The following COL6A5 variants were observed in gnomAD, a reference collection of about 807,000 sequenced individuals.
COL6A5 encodes the protein collagen alpha-5(VI) chain.
Under a neutral mutation model 65.6 loss-of-function variants are expected in COL6A5, and 48 were observed. The ratio of observed to expected loss-of-function variants is 0.73; its 90% confidence interval spans 0.58 to 0.93. COL6A5 has a LOEUF of 0.93. COL6A5 is among the 40% of genes least tolerant of loss of function. The pLI, the probability that COL6A5 is intolerant of heterozygous loss-of-function variation, is 0.00. For synonymous variants in COL6A5, 291 were observed against 322.8 expected (o/e 0.90, Z 1.05); for missense variants, 914 against 928.3 (o/e 0.98, Z 0.20).
At chr3:130,469,316 T>A (rs1345895085) in exon 6 of COL6A5, 8 of 1,612,990 alleles carry the variant, frequency 5.0e-6, no homozygotes, top group Non-Finnish European at 6.8e-6. Flanking sequence ...GTGTCAAGGC[T>A]ACTCCATATT....
chr3:130,454,342 TCCA>T (rs1289389194), intron 4 of COL6A5, among the ~76,000 whole-genome samples: 2 of 152,190 alleles, frequency 1.3e-5, no homozygotes, highest in African/African-American at 2.4e-5. Context: ...GACATGATTC[TCCA>T]CCACATATCT....
chr3:130,391,498 C>T (rs1404845305), exon 7 of COL6A5: 2 of 1,551,696 alleles, frequency 1.3e-6, no homozygotes, highest in East Asian at 4.9e-5. Flanking sequence ...GCAGCCGCAT[C>T]AAGCAAAATG....
intron 4 of COL6A5, among the ~76,000 whole-genome samples, chr3:130,452,632 C>A (rs1198321107): frequency 6.6e-6 from 1 of 152,082 alleles, no homozygotes; most frequent in African/African-American, 2.4e-5. Context: ...ATCACAGGAC[C>A]ACAGGACTGG....
chr3:130,371,126 T>A (rs1308648573), intron 1 of COL6A5, among the ~76,000 whole-genome samples: 2 of 152,130 alleles, frequency 1.3e-5, no homozygotes, highest in Non-Finnish European at 2.9e-5. Context: ...ATTCTTATGA[T>A]CTCCTATATT....
At chr3:130,481,925 C>T (rs1710255623) in intron 7 of COL6A5, among the ~76,000 whole-genome samples, 1 of 151,900 alleles carries the variant, frequency 6.6e-6, no homozygotes, top group Admixed American at 6.6e-5. Context: ...GTTTAAGTTC[C>T]TCATAGATTC....
chr3:130,441,784 AC>A (rs1350448096), intron 3 of COL6A5, among the ~76,000 whole-genome samples: 7 of 152,064 alleles, frequency 4.6e-5, no homozygotes, highest in Admixed American at 6.6e-5. Flanking sequence ...CACAGGACAG[AC>A]CCCCCACCAC....
intron 7 of COL6A5, among the ~76,000 whole-genome samples, chr3:130,475,889 C>G (rs1470841926): frequency 6.6e-6 from 1 of 152,008 alleles, no homozygotes; most frequent in Non-Finnish European, 1.5e-5. Flanking sequence ...AATTAATATC[C>G]CTAGTACACA....
At chr3:130,349,666 A>T (rs1043782219) in intron 1 of COL6A5, among the ~76,000 whole-genome samples, 18 of 152,206 alleles carry the variant, frequency 1.2e-4, no homozygotes, top group Admixed American at 6.5e-5. Context: ...TTATATTTTA[A>T]TCACCAATTA....
exon 11 of COL6A5, chr3:130,401,152 C>CA: frequency 6.5e-7 from 1 of 1,543,032 alleles, no homozygotes; most frequent in Non-Finnish European, 8.7e-7. Context: ...GAGAACTGGG[C>CA]AAAAAACTAT....
At chr3:130,472,858 T>TATAC (rs1198559167) in intron 7 of COL6A5, among the ~76,000 whole-genome samples, 35 of 141,870 alleles carry the variant, frequency 2.5e-4, no homozygotes, top group African/African-American at 3.6e-4. Context: ...TATATATATA[T>TATAC]ACACATTTAT....
chr3:130,452,001 G>C (rs959099262), intron 4 of COL6A5, among the ~76,000 whole-genome samples: 1 of 152,140 alleles, frequency 6.6e-6, no homozygotes, highest in African/African-American at 2.4e-5. Flanking sequence ...TACATCTAAG[G>C]TTCCTTTTTC....
intron 8 of COL6A5, among the ~76,000 whole-genome samples, chr3:130,396,924 A>G (rs930985345): frequency 6.6e-6 from 1 of 152,122 alleles, no homozygotes; most frequent in African/African-American, 2.4e-5. Flanking sequence ...GTGCAGTGGC[A>G]CGATCTCGGC....
chr3:130,379,702 A>G, exon 4 of COL6A5: 1 of 1,551,492 alleles, frequency 6.4e-7, no homozygotes. Flanking sequence ...AGGGGCTGCC[A>G]TTGATCAGAT....
In COL6A5 at chr3:130,440,277, A is replaced by G. The variant is rs201011140; in HGVS notation, c.695A>G (p.Lys232Arg). The stretch of plus-strand genomic sequence containing the variant: ...CGGAATATAGCAAAGGATGAGTTTA[A>G]GGCTGTGAAAGCCTTGGTGAGCTCA... The change falls in exon 3 of 8, where the codon AAG becomes AGG. Residue 232 changes from lysine to arginine, a missense_variant. By Grantham distance (26) the Lys-to-Arg change is conservative. Coordinates refer to ENST00000512836, the Ensembl canonical transcript of COL6A5. 46 of 1,607,710 alleles carry G rather than the reference A, an allele frequency of 2.9e-5. No individual in the cohort carries two copies. The highest frequency in any genetic ancestry group is 3.8e-5 in the Non-Finnish European group (45 of 1,174,742).
intron 1 of COL6A5, among the ~76,000 whole-genome samples, chr3:130,362,292 A>T (rs1245320263): frequency 2.1e-3 from 4 of 1,904 alleles, no homozygotes; most frequent in East Asian, 4.9e-3. Flanking sequence ...CTTTCTCCAT[A>T]TATATATATA....
At chr3:130,453,861 T>C (rs573114837) in intron 4 of COL6A5, among the ~76,000 whole-genome samples, 3 of 152,308 alleles carry the variant, frequency 2.0e-5, no homozygotes, top group African/African-American at 7.2e-5. Flanking sequence ...CCAGAATTCA[T>C]GCAAGCATAT....
Position 130,405,534 on chromosome 3 carries a change from G to A in COL6A5, c.4282-54G>A, listed in dbSNP as rs1264426306. On this transcript the variant is annotated intron_variant and NMD_transcript_variant, in intron 13 of 41. Transcript: ENST00000312481. ...TTAACTCTGTGAAAATAAACCACTGGCAGCTTCTGGCAAAAACATCACTTT... is the reference window on the plus strand; with the variant it reads ...TTAACTCTGTGAAAATAAACCACTGACAGCTTCTGGCAAAAACATCACTTT... 4 of 1,316,614 alleles carry A rather than the reference G, an allele frequency of 3.0e-6. No homozygotes were observed. The Admixed American group carries it at 6.0e-5, about 20-fold the overall frequency. The allele number at this position is 1,316,614 out of a possible 1,614,324, so 81.6% of individuals were successfully genotyped here.
intron 14 of COL6A5, 29 bp downstream of exon 14, chr3:130,405,688 A>G: frequency 1.3e-6 from 2 of 1,486,596 alleles, no homozygotes; most frequent in Non-Finnish European, 1.8e-6. Context: ...TGTTATTTCC[A>G]ATTCTCTGTA....
chr3:130,439,590 A>T, exon 2 of COL6A5: 1 of 1,551,208 alleles, frequency 6.4e-7, no homozygotes, highest in Non-Finnish European at 8.7e-7. Context: ...CATTAGAAAG[A>T]CTTCGGCGCT....
Sources: gnomAD v4.1 joint callset for allele counts (sites outside exome capture counted in the v4.1 genomes callset) on GRCh38, gnomAD v4.1.1 for gene constraint, MANE v1.5 for transcripts, NCBI Gene and HGNC (gene_info 2026-07-23, HGNC 2026-07-21) for gene names.